EIF2B3: variants seen among roughly 807,000 people sequenced by gnomAD.
EIF2B3 encodes the protein translation initiation factor eIF2B subunit gamma.
A neutral mutation model predicts 54.1 loss-of-function variants in EIF2B3; 20 were observed. The ratio of observed to expected loss-of-function variants is 0.37; its 90% CI spans 0.26 to 0.54. The LOEUF (loss-of-function observed/expected upper bound fraction) is 0.54. Among genes scored for constraint, EIF2B3 ranks in the 20% least tolerant of loss-of-function variants. The pLI is 0.86. For missense variants in EIF2B3, 448 were observed against 547.8 expected (o/e 0.82, Z 1.82); for synonymous variants, 153 against 188.1 (o/e 0.81, Z 1.52).
intron 8 of EIF2B3, among the ~76,000 whole-genome samples, chr1:44,876,362 G>A (rs1226972580): frequency 7.0e-6 from 1 of 142,370 alleles, no homozygotes; most frequent in Admixed American, 6.9e-5. Flanking sequence ...CCGCCGCCCC[G>A]TCTGGGATGT....
intron 10 of EIF2B3, among the ~76,000 whole-genome samples, chr1:44,861,690 T>C (rs1654612595): frequency 6.6e-6 from 1 of 152,172 alleles, no homozygotes; most frequent in African/African-American, 2.4e-5. Flanking sequence ...TGTGTAGCTC[T>C]TTCTGAGACA....
chr1:44,908,655 G>GAAT (rs1643458505), intron 5 of EIF2B3, among the ~76,000 whole-genome samples: 1 of 152,172 alleles, frequency 6.6e-6, no homozygotes, highest in African/African-American at 2.4e-5. Context: ...AGGGCTTTAG[G>GAAT]AATGTGTGCT....
intron 6 of EIF2B3, among the ~76,000 whole-genome samples, chr1:44,882,261 G>A (rs1655424382): frequency 6.6e-6 from 1 of 152,174 alleles, no homozygotes; most frequent in South Asian, 2.1e-4. Flanking sequence ...AGCTAATCAG[G>A]TAGGCAAGGG....
intron 10 of EIF2B3, among the ~76,000 whole-genome samples, chr1:44,871,004 T>C (rs914216904): frequency 5.3e-5 from 8 of 152,168 alleles, no homozygotes; most frequent in Non-Finnish European, 8.8e-5. Context: ...GCACAGCTTC[T>C]TTCCTAAGCT....
At chr1:44,898,235 C>CA (rs1656044937) in intron 5 of EIF2B3, among the ~76,000 whole-genome samples, 1 of 152,130 alleles carries the variant, frequency 6.6e-6, no homozygotes, top group African/African-American at 2.4e-5. Context: ...AGGACTCACC[C>CA]CAGGATACAC....
At chr1:44,983,699 C>CT (rs1491063788) in intron 1 of EIF2B3, among the ~76,000 whole-genome samples, 2 of 73,794 alleles carry the variant, frequency 2.7e-5, no homozygotes, top group African/African-American at 1.6e-4. Context: ...TGGTGAAACT[C>CT]TGTCTCTACT....
rs563553447 is a variant in EIF2B3, at chr1:44,871,013, C to T, written c.1202+3665G>A. Among the ~76,000 whole-genome samples, 55 of 152,300 alleles carry T rather than the reference C, an allele frequency of 3.6e-4. No individual in the cohort carries two copies. The South Asian group carries it at 0.011, about 29-fold the overall frequency. Reference sequence around the variant, plus strand: ...CTTCAAGCACAGCTTCTTTCCTAAGCTCCAGCCCTGTAGATCAAGGCCTCC... The same window carrying T: ...CTTCAAGCACAGCTTCTTTCCTAAGTTCCAGCCCTGTAGATCAAGGCCTCC... On this transcript the variant is annotated intron_variant, in intron 10 of 11. Coordinates refer to ENST00000360403, the MANE Select transcript of EIF2B3 (RefSeq NM_020365.5).
chr1:44,895,564 T>A (rs1444609178), intron 6 of EIF2B3, among the ~76,000 whole-genome samples: 1 of 151,992 alleles, frequency 6.6e-6, no homozygotes, highest in East Asian at 1.9e-4. Flanking sequence ...AAAATATATA[T>A]CTATTTTAAA....
chr1:44,958,646 C>T, intron 3 of EIF2B3: 2 of 1,583,910 alleles, frequency 1.3e-6, no homozygotes, highest in Admixed American at 1.7e-5. Flanking sequence ...CCTGCTCTCA[C>T]ATATTCTGTG....
At chr1:44,980,978 C>T in intron 2 of EIF2B3, 43 bp downstream of exon 2, 6 of 1,612,866 alleles carry the variant, frequency 3.7e-6, no homozygotes, top group Non-Finnish European at 5.1e-6. Context: ...ATCAAATCTC[C>T]TAAAAGTTTT....
chr1:44,953,024 T>C (rs1021936383), intron 3 of EIF2B3, among the ~76,000 whole-genome samples: 2 of 152,150 alleles, frequency 1.3e-5, no homozygotes, highest in African/African-American at 4.8e-5. Flanking sequence ...AGTTGTTGAA[T>C]CGAATAATTG....
intron 8 of EIF2B3, among the ~76,000 whole-genome samples, chr1:44,876,274 C>G (rs907310910): frequency 1.3e-5 from 2 of 149,436 alleles, no homozygotes; most frequent in South Asian, 4.3e-4. Flanking sequence ...ACCTCTTCCC[C>G]GCTGCCATCC....
At position 44,978,238 on chromosome 1, in the gene EIF2B3, AG is replaced by A; in HGVS notation, c.294+76del. ...AGAGCGAGGTTCTGTCTCAAAAAAA[AG>A]ACTATAATGCACTGGGAAAACATAA... On this transcript the variant is annotated intron_variant, in intron 3 of 11. Transcript: ENST00000360403. The A allele has an allele frequency of 1.9e-6, 3 of 1,562,564 alleles. No individual in the cohort carries two copies. In the South Asian group the frequency reaches 3.3e-5, roughly 17 times the overall value.
chr1:44,893,906 C>A (rs973812063), intron 6 of EIF2B3, among the ~76,000 whole-genome samples: 1 of 152,082 alleles, frequency 6.6e-6, no homozygotes, highest in Non-Finnish European at 1.5e-5. Flanking sequence ...CAAGACTAAT[C>A]CTGGTATACA....
chr1:44,895,189 T>C (rs924458162), intron 6 of EIF2B3, among the ~76,000 whole-genome samples: 3 of 152,204 alleles, frequency 2.0e-5, no homozygotes, highest in African/African-American at 7.2e-5. Context: ...CTCTGTATCA[T>C]TCTCTACTGC....
At chr1:44,892,451 G>C (rs1158412444) in intron 6 of EIF2B3, among the ~76,000 whole-genome samples, 6 of 151,948 alleles carry the variant, frequency 3.9e-5, no homozygotes. Flanking sequence ...ATGGTGGTGA[G>C]TGCCTGTAGT....
rs1655710731 is a variant in EIF2B3, at chr1:44,889,226, T to G, written c.657-7487A>C. Among the ~76,000 whole-genome samples the G allele has an allele frequency of 2.0e-5, 3 of 152,208 alleles. No individual in the cohort carries two copies. In the South Asian group the frequency reaches 6.2e-4, roughly 31 times the overall value. On this transcript the variant is annotated intron_variant, in intron 6 of 11. Coordinates refer to ENST00000360403, the MANE Select transcript of EIF2B3 (RefSeq NM_020365.5). ...TGGCTAGAGTCGGGTAATAAGAAAT[T>G]TAAAAGTGCTTTTTAAAAGAGTCCT... is the stretch of plus-strand genomic sequence containing the variant.
intron 11 of EIF2B3, among the ~76,000 whole-genome samples, chr1:44,857,327 C>T (rs147292647): frequency 7.6e-4 from 116 of 152,210 alleles, no homozygotes; most frequent in Non-Finnish European, 8.7e-4. Flanking sequence ...GTCGGGAGTT[C>T]GCAACCAGCC....
chr1:44,915,991 T>C (rs141556442), intron 5 of EIF2B3, among the ~76,000 whole-genome samples: 1 of 152,280 alleles, frequency 6.6e-6, no homozygotes, highest in East Asian at 1.9e-4. Context: ...CTTCCTACTA[T>C]GAAAGATGAT....
Sources: gnomAD v4.1 joint callset for allele counts (sites outside exome capture counted in the v4.1 genomes callset) on GRCh38, gnomAD v4.1.1 for gene constraint, MANE v1.5 for transcripts, NCBI Gene and HGNC (gene_info 2026-07-23, HGNC 2026-07-21) for gene names.